DLGAP2: variants seen among roughly 807,000 people sequenced by gnomAD.
The protein encoded by DLGAP2 is DLG associated protein 2, also known as disks large-associated protein 2.
Under a neutral mutation model 100.3 loss-of-function variants are expected in DLGAP2, and 26 were observed. The observed-to-expected ratio is 0.26, with a 90% CI of 0.19 to 0.36. The LOEUF is 0.36. Ranked by LOEUF, DLGAP2 falls within the 10% of genes least tolerant of loss-of-function variation. The pLI, the probability that DLGAP2 is intolerant of heterozygous loss-of-function variation, is 1.00. For synonymous variants in DLGAP2, 886 were observed against 630.1 expected (o/e 1.41, Z -6.08); for missense variants, 1,858 against 1,453.2 (o/e 1.28, Z -4.53).
intron 2 of DLGAP2, among the ~76,000 whole-genome samples, chr8:1,178,449 C>T (rs1056092610): frequency 1.3e-5 from 2 of 152,150 alleles, no homozygotes; most frequent in African/African-American, 4.8e-5. Flanking sequence ...TGTTTCTGTC[C>T]TGCTTCTGCT....
chr8:1,277,121 A>G (rs754053744), intron 3 of DLGAP2, among the ~76,000 whole-genome samples: 1 of 152,136 alleles, frequency 6.6e-6, no homozygotes, highest in Non-Finnish European at 1.5e-5. Flanking sequence ...CTGCATGCTC[A>G]TTCATGATTA....
At chr8:1,680,440 A>AAACTT (rs1311217946) in intron 12 of DLGAP2, 1 of 152,244 alleles carries the variant, frequency 6.6e-6, no homozygotes, top group Non-Finnish European at 1.5e-5. Flanking sequence ...TTTATTGTTA[A>AAACTT]AACTTAAGGT....
intron 2 of DLGAP2, among the ~76,000 whole-genome samples, chr8:1,091,269 G>T (rs1323417204): frequency 1.3e-5 from 2 of 152,214 alleles, no homozygotes; most frequent in Non-Finnish European, 2.9e-5. Flanking sequence ...ATACTCGAAG[G>T]TGAGGCCTGT....
chr8:1,244,008 C>G (rs1798853281), intron 2 of DLGAP2, among the ~76,000 whole-genome samples: 1 of 152,088 alleles, frequency 6.6e-6, no homozygotes, highest in Non-Finnish European at 1.5e-5. Flanking sequence ...CTCCCAGCCT[C>G]TGCACTCCAC....
intron 1 of DLGAP2, among the ~76,000 whole-genome samples, chr8:849,298 G>A (rs1163612716): frequency 6.6e-6 from 1 of 152,142 alleles, no homozygotes; most frequent in Non-Finnish European, 1.5e-5. Flanking sequence ...GTATAGGAAC[G>A]TGCCCATGTT....
At chr8:1,374,897 T>G (rs1802351751) in intron 3 of DLGAP2, among the ~76,000 whole-genome samples, 1 of 152,132 alleles carries the variant, frequency 6.6e-6, no homozygotes, top group African/African-American at 2.4e-5. Flanking sequence ...CTCGCCTGTT[T>G]CACGAGTGGG....
At chr8:1,453,360 C>G (rs1221785626) in intron 3 of DLGAP2, among the ~76,000 whole-genome samples, 1 of 152,178 alleles carries the variant, frequency 6.6e-6, no homozygotes, top group Admixed American at 6.5e-5. Context: ...TTCTTGAGTA[C>G]TTTCACAAGT....
intron 2 of DLGAP2, among the ~76,000 whole-genome samples, chr8:1,097,032 C>T (rs1477571112): frequency 6.9e-6 from 1 of 145,766 alleles, no homozygotes; most frequent in Non-Finnish European, 1.5e-5. Flanking sequence ...GAGCCCGGGG[C>T]AGGCCTTCAC....
At chr8:1,166,450 G>C (rs1797018040) in intron 2 of DLGAP2, among the ~76,000 whole-genome samples, 1 of 152,188 alleles carries the variant, frequency 6.6e-6, no homozygotes, top group Non-Finnish European at 1.5e-5. Flanking sequence ...CTCCAGGAAG[G>C]AGTGGGCAGA....
At chr8:1,453,545 A>G (rs981839611) in intron 3 of DLGAP2, among the ~76,000 whole-genome samples, 1 of 152,198 alleles carries the variant, frequency 6.6e-6, no homozygotes, top group East Asian at 1.9e-4. Flanking sequence ...ATTTAAGTGG[A>G]TTATTCTTGA....
chr8:751,758 T>C (rs76846580), intron 1 of DLGAP2, among the ~76,000 whole-genome samples: 24 of 151,892 alleles, frequency 1.6e-4, no homozygotes, highest in East Asian at 9.7e-4. Context: ...TCTGACACTT[T>C]ATAGTAAGTC....
Position 946,344 on chromosome 8 carries a change from A to G in DLGAP2, c.73+38378A>G, listed in dbSNP as rs561872695. ...AGTGGTGCGATCTGGGCTCATTGCA[A>G]GCTCCGCCTCCCGGGTTCACACCAT... On this transcript the variant is annotated intron_variant, in intron 2 of 14. Coordinates refer to ENST00000637795, the MANE Select transcript of DLGAP2 (RefSeq NM_001346810.2). Among the ~76,000 whole-genome samples, 496 of 151,546 alleles carry G rather than the reference A, an allele frequency of 3.3e-3. 5 individuals are homozygous for G. Among genetic ancestry groups the G allele is most frequent in the Non-Finnish European group, 4.9e-3 (331 of 67,896 alleles).
chr8:1,585,003 A>T (rs1221693270), intron 6 of DLGAP2, among the ~76,000 whole-genome samples: 1 of 151,032 alleles, frequency 6.6e-6, no homozygotes, highest in African/African-American at 2.5e-5. Context: ...AAGACAAATT[A>T]AAAACTTCCA....
chr8:776,626 G>A (rs1304932768), intron 1 of DLGAP2, among the ~76,000 whole-genome samples: 1 of 152,196 alleles, frequency 6.6e-6, no homozygotes, highest in Non-Finnish European at 1.5e-5. Context: ...TCCTTCAGGA[G>A]CAGGTTGTTC....
chr8:967,817 TA>T (rs769787269), intron 2 of DLGAP2, among the ~76,000 whole-genome samples: 18,911 of 24,640 alleles, frequency 0.77, 6,615 homozygotes, highest in Admixed American at 0.83. Context: ...TGAACACCAC[TA>T]TATATATATA....
intron 6 of DLGAP2, among the ~76,000 whole-genome samples, chr8:1,619,002 G>A (rs907352478): frequency 4.6e-5 from 7 of 152,160 alleles, no homozygotes; most frequent in African/African-American, 1.7e-4. Flanking sequence ...CCGTGTGACA[G>A]AATAGAGACT....
chr8:822,670 G>A (rs1225709747), intron 1 of DLGAP2, among the ~76,000 whole-genome samples: 1 of 152,202 alleles, frequency 6.6e-6, no homozygotes, highest in East Asian at 1.9e-4. Flanking sequence ...ATAGCAGTCT[G>A]AACTGTTTTC....
At chr8:1,176,541 T>G (rs900711585) in intron 2 of DLGAP2, among the ~76,000 whole-genome samples, 1 of 152,132 alleles carries the variant, frequency 6.6e-6, no homozygotes, top group African/African-American at 2.4e-5. Context: ...CCCTGTGAAT[T>G]TAACTGGTTT....
intron 3 of DLGAP2, among the ~76,000 whole-genome samples, chr8:1,327,552 G>A (rs997455003): frequency 1.3e-5 from 2 of 152,150 alleles, no homozygotes; most frequent in African/African-American, 2.4e-5. Context: ...CAAGTGTAAA[G>A]AAACATGGTG....
Sources: gnomAD v4.1 joint callset for allele counts (sites outside exome capture counted in the v4.1 genomes callset) on GRCh38, gnomAD v4.1.1 for gene constraint, MANE v1.5 for transcripts, NCBI Gene and HGNC (gene_info 2026-07-23, HGNC 2026-07-21) for gene names.